Variants in TTC27 observed in about 807,000 individuals in gnomAD.
The protein encoded by TTC27 is tetratricopeptide repeat domain 27.
Under a neutral mutation model 115.9 loss-of-function variants are expected in TTC27, and 79 were observed. The observed-to-expected ratio is 0.68, with a 90% CI of 0.57 to 0.82. The LOEUF (loss-of-function observed/expected upper bound fraction) is 0.82. Ranked by LOEUF, TTC27 falls within the 40% of genes least tolerant of loss-of-function variation. The pLI is 0.00. For missense variants in TTC27, 1,054 were observed against 993.1 expected (o/e 1.06, Z -0.82); for synonymous variants, 401 against 356.0 (o/e 1.13, Z -1.42).
Position 32,664,343 on chromosome 2 carries a change from A to G in TTC27, c.681A>G (p.Arg227=), listed in dbSNP as rs755032442. ...ATCTGTTTGTAGATGATTCAGGTCGATATTTGGCTATTCAATTCCATCTGG... is the reference window on the plus strand; with the variant it reads ...ATCTGTTTGTAGATGATTCAGGTCGGTATTTGGCTATTCAATTCCATCTGG... ...LQNLFVDDSG[R]YLAIQFHLEC... The change falls in exon 6 of 20, where the codon CGA becomes CGG. Residue 227 remains arginine, a synonymous_variant. Transcript: ENST00000317907. 4 of 1,610,460 alleles carry G rather than the reference A, an allele frequency of 2.5e-6. No individual in the cohort carries two copies. Among genetic ancestry groups the G allele is most frequent in the Admixed American group, 1.7e-5 (1 of 59,504 alleles).
intron 9 of TTC27, 53 bp downstream of exon 9, chr2:32,678,975 C>G (rs538687999): frequency 6.8e-7 from 1 of 1,475,756 alleles, no homozygotes; most frequent in East Asian, 2.3e-5. Flanking sequence ...TAAATTACTT[C>G]CTCTGGTATG....
At chr2:32,783,523 T>C (rs937138772) in intron 15 of TTC27, among the ~76,000 whole-genome samples, 1 of 152,232 alleles carries the variant, frequency 6.6e-6, no homozygotes, top group African/African-American at 2.4e-5. Flanking sequence ...ATTTGACCAA[T>C]GATTGAGACT....
intron 4 of TTC27, among the ~76,000 whole-genome samples, chr2:32,649,801 C>G (rs1363376416): frequency 6.6e-6 from 1 of 152,018 alleles, no homozygotes; most frequent in Non-Finnish European, 1.5e-5. Flanking sequence ...GCCTCGGCCT[C>G]CCAAAGTGTT....
At chr2:32,814,096 CT>C (rs1393730371) in intron 18 of TTC27, among the ~76,000 whole-genome samples, 1 of 152,282 alleles carries the variant, frequency 6.6e-6, no homozygotes, top group Non-Finnish European at 1.5e-5. Context: ...AAAAATTTAT[CT>C]TATCTACTTC....
chr2:32,670,705 C>T (rs908392302), intron 7 of TTC27, among the ~76,000 whole-genome samples: 2 of 152,094 alleles, frequency 1.3e-5, no homozygotes, highest in Admixed American at 6.5e-5. Flanking sequence ...GCAACCTCCA[C>T]CTCCCGGGTT....
intron 16 of TTC27, among the ~76,000 whole-genome samples, chr2:32,801,401 T>C (rs1391318603): frequency 1.3e-5 from 2 of 152,224 alleles, no homozygotes; most frequent in Non-Finnish European, 2.9e-5. Context: ...TCCTCGGCTG[T>C]GGCACCCTAA....
At chr2:32,782,405 C>T (rs1040251876) in intron 14 of TTC27, among the ~76,000 whole-genome samples, 10 of 152,108 alleles carry the variant, frequency 6.6e-5, no homozygotes, top group African/African-American at 2.2e-4. Flanking sequence ...CTAATTGGTA[C>T]AATAATAGTT....
At chr2:32,789,934 AAAAAAAAAAAAAGAG>A (rs1670475333) in intron 16 of TTC27, among the ~76,000 whole-genome samples, 1 of 146,420 alleles carries the variant, frequency 6.8e-6, no homozygotes, top group Non-Finnish European at 1.5e-5. Context: ...AAAAAAAAAA[AAAAAAAAAAAAAGAG>A]AAGTCTTTCA....
At chr2:32,645,778 G>A (rs560114156) in intron 4 of TTC27, among the ~76,000 whole-genome samples, 16 of 151,636 alleles carry the variant, frequency 1.1e-4, no homozygotes, top group South Asian at 8.3e-4. Context: ...GTGCAGTGGC[G>A]TGATCTCAGC....
intron 13 of TTC27, among the ~76,000 whole-genome samples, chr2:32,763,788 C>T (rs1016666352): frequency 6.6e-6 from 1 of 152,168 alleles, no homozygotes; most frequent in Non-Finnish European, 1.5e-5. Flanking sequence ...TTCACTTATA[C>T]CCACTTGTTT....
chr2:32,797,859 A>C (rs1007709630), intron 16 of TTC27, among the ~76,000 whole-genome samples: 4 of 152,210 alleles, frequency 2.6e-5, no homozygotes, highest in Admixed American at 6.5e-5. Context: ...TGCAAGTAAT[A>C]TATCTGATAA....
At chr2:32,652,424 C>T (rs547459403) in intron 5 of TTC27, among the ~76,000 whole-genome samples, 49 of 151,924 alleles carry the variant, frequency 3.2e-4, no homozygotes, top group African/African-American at 1.2e-3. Flanking sequence ...AGGTAGGAAC[C>T]ATATGGTATA....
intron 12 of TTC27, among the ~76,000 whole-genome samples, chr2:32,743,811 C>T (rs763560839): frequency 8.5e-5 from 13 of 152,190 alleles, no homozygotes; most frequent in Non-Finnish European, 1.0e-4. Context: ...TGTTAGATCT[C>T]TCCTAATTTA....
intron 9 of TTC27, among the ~76,000 whole-genome samples, chr2:32,687,977 T>C (rs1205468810): frequency 6.6e-6 from 1 of 152,190 alleles, no homozygotes; most frequent in Non-Finnish European, 1.5e-5. Flanking sequence ...GGAATACACT[T>C]GGAATACATG....
Position 32,650,240 on chromosome 2 carries a change from A to C in TTC27, c.640+7A>C, listed in dbSNP as rs753322968. On this transcript the variant is annotated splice_region_variant and intron_variant, in intron 5 of 19. Transcript: ENST00000317907. ...GAAAACTGTATTGATCAAGGTATGT[A>C]GCAGATTTTTGTTTGATATGGGCAT... 1 of 1,611,398 alleles carries C rather than the reference A, an allele frequency of 6.2e-7. No individual in the cohort carries two copies. Among genetic ancestry groups the C allele is most frequent in the South Asian group, 1.1e-5 (1 of 90,740 alleles).
At chr2:32,799,834 A>G (rs1018499288) in intron 16 of TTC27, among the ~76,000 whole-genome samples, 15 of 152,338 alleles carry the variant, frequency 9.8e-5, no homozygotes, top group Admixed American at 9.8e-4. Context: ...AGGATATTTA[A>G]TATGTATTGA....
chr2:32,772,943 T>C (rs1669878436), intron 13 of TTC27, among the ~76,000 whole-genome samples: 1 of 152,166 alleles, frequency 6.6e-6, no homozygotes, highest in African/African-American at 2.4e-5. Context: ...TTAAGTGACA[T>C]AGCCAGGGTC....
At chr2:32,678,690 G>T (rs946771681) in intron 8 of TTC27, among the ~76,000 whole-genome samples, 166 bp from the exon 9 acceptor site, 8 of 152,134 alleles carry the variant, frequency 5.3e-5, no homozygotes, top group African/African-American at 1.9e-4. Context: ...GCCTCCCAAA[G>T]TGTTGGGATC....
intron 11 of TTC27, among the ~76,000 whole-genome samples, chr2:32,736,451 A>G (rs1668454509): frequency 6.6e-6 from 1 of 152,198 alleles, no homozygotes; most frequent in South Asian, 2.1e-4. Flanking sequence ...AAATTTGTAT[A>G]TATTTAGCAT....
Sources: allele counts gnomAD v4.1 joint callset (sites outside exome capture counted in the v4.1 genomes callset), GRCh38; gene constraint gnomAD v4.1.1; transcripts MANE v1.5; gene names NCBI Gene and HGNC (gene_info 2026-07-23, HGNC 2026-07-21).